Variants in EPB41L1 observed in about 807,000 individuals in gnomAD.
EPB41L1 encodes the protein erythrocyte membrane protein band 4.1 like 1, also known as band 4.1-like protein 1.
A neutral mutation model predicts 97.8 loss-of-function variants in EPB41L1; 29 were observed. The ratio of observed to expected loss-of-function variants is 0.30; its 90% CI spans 0.22 to 0.40. The LOEUF (loss-of-function observed/expected upper bound fraction) is 0.40, where lower values mean the gene tolerates loss of function less well. Ranked by LOEUF, EPB41L1 falls within the 10% of genes least tolerant of loss-of-function variation. The probability of loss-of-function intolerance (pLI) is 1.00; values close to 1 mark genes in which losing one functional copy is unlikely to be tolerated. For synonymous variants in EPB41L1, 383 were observed against 459.2 expected, an observed-to-expected ratio of 0.83 and a Z score of 2.12; for missense variants, 812 against 1,162.3, an observed-to-expected ratio of 0.70 and a Z score of 4.38.
intron 17 of EPB41L1, among the ~76,000 whole-genome samples, chr20:36,218,105 T>C (rs1413477599): frequency 6.6e-6 from 1 of 152,124 alleles, no homozygotes; most frequent in Non-Finnish European, 1.5e-5. Context: ...AAGGGAAAGA[T>C]TCCCAAGGGC....
At chr20:36,186,877 T>C (rs2061704951) in intron 7 of EPB41L1, among the ~76,000 whole-genome samples, 1 of 152,212 alleles carries the variant, frequency 6.6e-6, no homozygotes, top group African/African-American at 2.4e-5. Flanking sequence ...GCCTGGAGGA[T>C]ACACAAGACC....
At chr20:36,200,582 T>A (rs1337592491) in intron 14 of EPB41L1, among the ~76,000 whole-genome samples, 2 of 152,050 alleles carry the variant, frequency 1.3e-5, no homozygotes, top group Non-Finnish European at 2.9e-5. Context: ...CTCCAACATC[T>A]CTGAATGAGA....
At position 36,209,368 on chromosome 20, in the gene EPB41L1, T is replaced by A. The variant is rs547330304; in HGVS notation, c.1669-120T>A. ...GGGTGTTTTTCATTTCCTGGCCTGC[T>A]CTTCCATTCAGGATGTCGACACAGC... On this transcript the variant is annotated intron_variant, in intron 14 of 21. Transcript: ENST00000338074. The surrounding 1 kb of genome is among the most constrained non-coding windows in gnomAD (Gnocchi z 4.2). 6 of 1,118,440 alleles carry A rather than the reference T, an allele frequency of 5.4e-6. No homozygotes were observed. The highest frequency in any genetic ancestry group is 7.5e-6 in the Non-Finnish European group (6 of 802,338). 69.3% of individuals were successfully genotyped at this position (1,118,440 alleles called of 1,614,324 possible).
At chr20:36,119,987 C>T (rs886707836) in intron 2 of EPB41L1, among the ~76,000 whole-genome samples, 1 of 152,260 alleles carries the variant, frequency 6.6e-6, no homozygotes, top group Admixed American at 6.5e-5. Flanking sequence ...CTCTCCCAGA[C>T]CAAGCTAGTC....
At chr20:36,215,373 G>C (rs536062695) in intron 17 of EPB41L1, among the ~76,000 whole-genome samples, 143 of 152,264 alleles carry the variant, frequency 9.4e-4, no homozygotes, top group African/African-American at 3.4e-3. Context: ...GCCGCATGGG[G>C]CTGGGGCTGC....
chr20:36,136,751 A>G (rs1010432190), intron 2 of EPB41L1, among the ~76,000 whole-genome samples: 6 of 121,376 alleles, frequency 4.9e-5, no homozygotes, highest in Non-Finnish European at 7.9e-5. Context: ...GTACCTGACT[A>G]ATTTTTTTTT....
rs1286697698 is a variant in EPB41L1, at chr20:36,195,413, C to T, written c.1485+49C>T. 6.2e-7 allele frequency: 1 copy of T among 1,606,270 alleles called. No homozygotes were observed. The highest frequency in any genetic ancestry group is 1.7e-5 in the Admixed American group (1 of 59,980). ...CCTACCCAGCCGTTCCCATCCCTAG[C>T]TCATTTGTCACCATCCCACAGTCCA... On this transcript the variant is annotated intron_variant, in intron 13 of 21. Transcript: ENST00000338074. The surrounding 1 kb of genome is among the most constrained non-coding windows in gnomAD (Gnocchi z 4.6).
intron 2 of EPB41L1, among the ~76,000 whole-genome samples, chr20:36,129,910 T>G (rs2059125662): frequency 6.6e-6 from 1 of 150,922 alleles, no homozygotes; most frequent in South Asian, 2.1e-4. Flanking sequence ...GATTACAGAG[T>G]GTGCCACTGC....
At position 36,209,939 on chromosome 20, in the gene EPB41L1, C is replaced by A. The variant is rs553677817; in HGVS notation, c.2079+41C>A. 637 of 1,606,026 alleles carry A rather than the reference C, an allele frequency of 4.0e-4. 11 individuals carry two copies. In the South Asian group the frequency reaches 6.5e-3, roughly 16 times the overall value. ...CTCAAGAGCCAGGCCCGCTGGGCACCGCATGCTCAGAGGGCCCTGGGCCAC... is the reference window on the plus strand; with the variant it reads ...CTCAAGAGCCAGGCCCGCTGGGCACAGCATGCTCAGAGGGCCCTGGGCCAC... On this transcript the variant is annotated intron_variant, in intron 15 of 21. Transcript: ENST00000338074. The surrounding 1 kb of genome is among the most constrained non-coding windows in gnomAD (Gnocchi z 4.2).
chr20:36,218,792 GA>G (rs2063592963), intron 17 of EPB41L1, 83 bp from the exon 18 acceptor site: 1 of 1,255,374 alleles, frequency 8.0e-7, no homozygotes, highest in Admixed American at 1.8e-5. Flanking sequence ...TTGTGGTCGT[GA>G]TAGCTACATG....
chr20:36,106,876 C>T (rs909808427), intron 1 of EPB41L1, among the ~76,000 whole-genome samples: 38 of 152,216 alleles, frequency 2.5e-4, no homozygotes, highest in Non-Finnish European at 5.1e-4. Flanking sequence ...GTGGCACAAT[C>T]ATTGCAACGT....
At chr20:36,225,611 C>T (rs1359972336) in intron 21 of EPB41L1, among the ~76,000 whole-genome samples, 2 of 152,222 alleles carry the variant, frequency 1.3e-5, no homozygotes, top group South Asian at 2.1e-4. Flanking sequence ...CTTGAGGACT[C>T]GGTTTCCTCA....
At chr20:36,222,139 C>G in intron 20 of EPB41L1, 139 bp from the exon 21 acceptor site, 1 of 970,540 alleles carries the variant, frequency 1.0e-6, no homozygotes, top group South Asian at 1.3e-5. Flanking sequence ...GAGCTCTAGT[C>G]TCTCCCTTTA....
At chr20:36,112,237 T>G (rs1354172731) in intron 1 of EPB41L1, among the ~76,000 whole-genome samples, 1 of 152,234 alleles carries the variant, frequency 6.6e-6, no homozygotes, top group Non-Finnish European at 1.5e-5. Flanking sequence ...TGGCCCCTGC[T>G]GCCGCTTCAG....
intron 14 of EPB41L1, among the ~76,000 whole-genome samples, chr20:36,205,550 T>TC (rs1020794482): frequency 1.3e-5 from 2 of 152,172 alleles, no homozygotes; most frequent in African/African-American, 4.8e-5. Context: ...TCTGTGGATC[T>TC]CCATTTCCCC....
intron 2 of EPB41L1, among the ~76,000 whole-genome samples, chr20:36,126,983 T>C (rs1031196155): frequency 1.2e-4 from 18 of 152,210 alleles, no homozygotes; most frequent in African/African-American, 4.3e-4. Flanking sequence ...GAGAGGAGGA[T>C]AGGGGTGATG....
rs1284993042 is a variant in EPB41L1, at chr20:36,207,019, A to C, written c.1669-2469A>C. The C allele has an allele frequency of 7.8e-7, 1 of 1,289,818 alleles. No homozygotes were observed. The highest frequency in any genetic ancestry group is 1.2e-5 in the South Asian group (1 of 81,022). 79.9% of individuals were successfully genotyped at this position (1,289,818 alleles called of 1,614,324 possible). On this transcript the variant is annotated intron_variant, in intron 14 of 21. Transcript: ENST00000338074. The surrounding 1 kb of genome is among the most constrained non-coding windows in gnomAD (Gnocchi z 4.9). ...AGAGAGGGGAGTGGTTCCCACCCAG[A>C]AAGGAGGGGCTGAGCTGAAGGACCG... is the stretch of plus-strand genomic sequence containing the variant.
In EPB41L1 at chr20:36,207,714, G is replaced by T; in HGVS notation, c.1669-1774G>T. ...CTGCATCCTACCAGGAAGCACACACGGAACTAGAGCCCGTGTCCCCCAATT... is the reference window on the plus strand; with the variant it reads ...CTGCATCCTACCAGGAAGCACACACTGAACTAGAGCCCGTGTCCCCCAATT... On this transcript the variant is annotated intron_variant, in intron 14 of 21. Transcript: ENST00000338074. This position sits in a 1 kb window ranked among gnomAD's most constrained non-coding sequence, Gnocchi z 4.9. 1.6e-6 allele frequency: 2 copies of T among 1,290,050 alleles called. No homozygotes were observed. The highest frequency in any genetic ancestry group is 2.0e-6 in the Non-Finnish European group (2 of 988,902). The allele number at this position is 1,290,050 out of a possible 1,614,324, so 79.9% of individuals were successfully genotyped here. A position where few individuals can be genotyped will look rare whatever the true frequency, so the allele number is the denominator to read the frequency against.
At chr20:36,158,460 G>A (rs2060401937) in intron 1 of EPB41L1, among the ~76,000 whole-genome samples, 1 of 152,214 alleles carries the variant, frequency 6.6e-6, no homozygotes, top group African/African-American at 2.4e-5. Flanking sequence ...GTTGAAGGGG[G>A]AAGGGCACCC....
Sources: allele counts gnomAD v4.1 joint callset (sites outside exome capture counted in the v4.1 genomes callset), GRCh38; gene constraint gnomAD v4.1.1; non-coding constraint Gnocchi (gnomAD v3.1); transcripts MANE v1.5; gene names NCBI Gene and HGNC (gene_info 2026-07-23, HGNC 2026-07-21).